The following PLBD2 variants were observed in gnomAD, a reference collection of about 807,000 sequenced individuals.
PLBD2 encodes putative aminopeptidase PLBD2.
A neutral mutation model predicts 68.3 loss-of-function variants in PLBD2; 51 were observed. The ratio of observed to expected loss-of-function variants is 0.75; its 90% CI spans 0.60 to 0.94. The LOEUF is 0.94. PLBD2 is among the 40% of genes least tolerant of loss of function. The probability of loss-of-function intolerance (pLI) is 0.00; values close to 1 mark genes in which losing one functional copy is unlikely to be tolerated. For synonymous variants in PLBD2, 314 were observed against 339.3 expected (o/e 0.93, Z 0.82); for missense variants, 729 against 792.2 (o/e 0.92, Z 0.96).
At position 113,386,937 on chromosome 12, in the gene PLBD2, G is replaced by T. The variant is rs909193864; in HGVS notation, c.1287G>T (p.Pro429=). The T allele has an allele frequency of 3.7e-6, 6 of 1,612,926 alleles. No homozygotes were observed. The Admixed American group carries it at 6.7e-5, about 18-fold the overall frequency. The change falls in exon 10 of 12, where the codon CCG becomes CCT. Residue 429 remains proline, a splice_region_variant and synonymous_variant. Transcript: ENST00000280800. ...GGGTGACCATCCTTGTCCCCGGCAG[G>T]TCCTTCGAGACTGTGTTCAATGCCA... is the stretch of plus-strand genomic sequence containing the variant. ...QKTYWASYNI[P]SFETVFNASG...
chr12:113,364,913 A>G (rs1565858128), intron 1 of PLBD2, among the ~76,000 whole-genome samples: 1 of 152,170 alleles, frequency 6.6e-6, no homozygotes, highest in Non-Finnish European at 1.5e-5. Context: ...AGTTTGCCCA[A>G]AGGTACACAA....
At position 113,380,769 on chromosome 12, in the gene PLBD2, A is replaced by G; in HGVS notation, c.884A>G (p.Asn295Ser). 1 of 1,553,130 alleles carries G rather than the reference A, an allele frequency of 6.4e-7. No individual in the cohort carries two copies. The highest frequency in any genetic ancestry group is 1.2e-5 in the South Asian group (1 of 84,186). Reference sequence around the variant, plus strand: ...GGGGACTACCCGCTGGTTCCCGGCAACAAGCTGGTCTTCTCCTCCTACCCC... The same window carrying G: ...GGGGACTACCCGCTGGTTCCCGGCAGCAAGCTGGTCTTCTCCTCCTACCCC... The part of the protein sequence containing the change: ...PWGDYPLVPG[N>S]KLVFSSYPGT... Residue 295 changes from asparagine (N) to serine (S), a missense_variant, in exon 6 of 12, where the codon AAC (asparagine) becomes AGC (serine). By Grantham distance (46) the Asn-to-Ser change is conservative (BLOSUM62 1). Coordinates refer to ENST00000280800, the MANE Select transcript of PLBD2 (RefSeq NM_173542.4).
intron 6 of PLBD2, among the ~76,000 whole-genome samples, chr12:113,382,729 T>A (rs1055028296): frequency 1.3e-5 from 2 of 151,802 alleles, no homozygotes; most frequent in African/African-American, 4.8e-5. Context: ...GTGTCCAGCC[T>A]TTTTTTTCCT....
rs1171166371 is a variant in PLBD2 at position 113,384,957 on chromosome 12, T to C, written c.1214+11T>C. 6 of 616,274 alleles carry C rather than the reference T, an allele frequency of 9.7e-6. No homozygotes were observed. The highest frequency in any genetic ancestry group is 6.2e-5 in the African/African-American group (3 of 48,730). 38.2% of individuals were successfully genotyped at this position (616,274 alleles called of 1,614,324 possible). On this transcript the variant is annotated intron_variant, in intron 8 of 11. Transcript: ENST00000280800. This position sits in a 1 kb window ranked among gnomAD's most constrained non-coding sequence, Gnocchi z 4.2. ...CCTGGAGCAGATCCCGTGCGTACCC[T>C]GGGAGGGAGGGGTGGGGGCTCGGGG... is the stretch of plus-strand genomic sequence containing the variant.
intron 5 of PLBD2, chr12:113,375,273 G>T: frequency 2.0e-6 from 1 of 488,732 alleles, no homozygotes; most frequent in Non-Finnish European, 3.7e-6. Flanking sequence ...AGCCTCCCAA[G>T]TATCTGGAAC....
chr12:113,374,669 T>C, intron 4 of PLBD2, 95 bp downstream of exon 4: 1 of 1,448,052 alleles, frequency 6.9e-7, no homozygotes, highest in Non-Finnish European at 9.5e-7. Context: ...TGCCACTCCC[T>C]GGCTCTGTGG....
Position 113,389,606 on chromosome 12 carries a change from CATCT to C in PLBD2, c.*982_*985del, listed in dbSNP as rs1254922319. ...ATCCGTCTTCCATCATCCATCCATCCATCTACCTATCCATTTATCATCCATCCAC... is the reference window on the plus strand; with the variant it reads ...ATCCGTCTTCCATCATCCATCCATCCACCTATCCATTTATCATCCATCCAC... On this transcript the variant is annotated 3_prime_UTR_variant, in exon 12 of 12. Transcript: ENST00000280800. The C allele has an allele frequency of 3.3e-5, 5 of 152,066 alleles. No homozygotes were observed. Among genetic ancestry groups the C allele is most frequent in the Non-Finnish European group, 7.3e-5 (5 of 68,028 alleles). The allele number at this position is 152,066 out of a possible 1,614,324, so 9.4% of individuals were successfully genotyped here.
Position 113,374,481 on chromosome 12 carries a change from T to C in PLBD2, c.551T>C (p.Leu184Pro), listed in dbSNP as rs376523175. The change falls in exon 4 of 12, where the codon CTG (leucine) becomes CCG (proline). Residue 184 changes from leucine to proline, a missense_variant. Physicochemically the swap from Leu to Pro is moderately conservative, Grantham distance 98. Transcript: ENST00000280800. ...PDSPYWHQVR[L>P]TLLQLKGLED... The stretch of plus-strand genomic sequence containing the variant: ...CCCCGCCCCCTCCCCTAGGTGCGGC[T>C]GACCCTCCTGCAGCTGAAAGGCCTG... The C allele has an allele frequency of 2.5e-6, 4 of 1,596,098 alleles. No individual in the cohort carries two copies. Among genetic ancestry groups the C allele is most frequent in the Non-Finnish European group, 2.6e-6 (3 of 1,171,818 alleles).
chr12:113,375,150 G>GT (rs1957428974), intron 5 of PLBD2, 143 bp downstream of exon 5: 4 of 809,464 alleles, frequency 4.9e-6, no homozygotes, highest in South Asian at 1.8e-5. Context: ...TTTTGGTTTT[G>GT]TTTTTTTCTT....
At chr12:113,371,217 C>T (rs1957386881) in intron 2 of PLBD2, among the ~76,000 whole-genome samples, 1 of 152,182 alleles carries the variant, frequency 6.6e-6, no homozygotes, top group Non-Finnish European at 1.5e-5. Flanking sequence ...GATCCAGCAG[C>T]CCTACTACTT....
At chr12:113,378,616 C>T (rs1957454966) in intron 5 of PLBD2, among the ~76,000 whole-genome samples, 1 of 151,816 alleles carries the variant, frequency 6.6e-6, no homozygotes, top group Non-Finnish European at 1.5e-5. Flanking sequence ...CCTGCCTCAG[C>T]CTCCCAAAGC....
chr12:113,387,636 C>G, intron 10 of PLBD2, 108 bp from the exon 11 acceptor site: 1 of 1,265,946 alleles, frequency 7.9e-7, no homozygotes, highest in Non-Finnish European at 1.1e-6. Context: ...AGGGGCTCAT[C>G]AAGTTGAAGG....
intron 2 of PLBD2, among the ~76,000 whole-genome samples, chr12:113,371,520 A>G (rs974672992): frequency 6.6e-6 from 1 of 152,194 alleles, no homozygotes; most frequent in African/African-American, 2.4e-5. Flanking sequence ...TGTCTGGGGA[A>G]GTGGTCAGAT....
At chr12:113,387,990 G>A (rs933796429) in intron 11 of PLBD2, 84 bp downstream of exon 11, 3 of 1,498,758 alleles carry the variant, frequency 2.0e-6, no homozygotes, top group Non-Finnish European at 2.8e-6. Flanking sequence ...TTGGGGCAAA[G>A]CTGATGGCGG....
intron 1 of PLBD2, among the ~76,000 whole-genome samples, chr12:113,360,215 G>T (rs1321272285): frequency 1.3e-5 from 2 of 152,154 alleles, no homozygotes; most frequent in Non-Finnish European, 2.9e-5. Context: ...CTCCCAGAGA[G>T]AGGAGGCCAC....
intron 1 of PLBD2, among the ~76,000 whole-genome samples, chr12:113,360,311 C>G (rs1469689712): frequency 6.6e-6 from 1 of 152,146 alleles, no homozygotes; most frequent in East Asian, 1.9e-4. Flanking sequence ...GTGACCCGTT[C>G]TTTGCTGACT....
Position 113,387,096 on chromosome 12 carries a change from G to A in PLBD2, c.1439+7G>A. On this transcript the variant is annotated splice_region_variant and intron_variant, in intron 10 of 11. Transcript: ENST00000280800. ...CCATGGTCAGGCTGATGAGGTAGGT[G>A]CCAGTTGGGTGGTGGGTTGGGGAGA... is the stretch of plus-strand genomic sequence containing the variant. 6.4e-7 allele frequency: 1 copy of A among 1,571,956 alleles called. No homozygotes were observed. Among genetic ancestry groups the A allele is most frequent in the Non-Finnish European group, 8.6e-7 (1 of 1,159,330 alleles).
At chr12:113,367,523 G>A (rs1438438665) in intron 1 of PLBD2, among the ~76,000 whole-genome samples, 1 of 152,146 alleles carries the variant, frequency 6.6e-6, no homozygotes, top group African/African-American at 2.4e-5. Flanking sequence ...GCCGAGGCAG[G>A]TGGATCACTT....
intron 5 of PLBD2, among the ~76,000 whole-genome samples, chr12:113,379,902 C>T (rs1241621450): frequency 2.0e-5 from 3 of 152,296 alleles, no homozygotes; most frequent in Non-Finnish European, 4.4e-5. Flanking sequence ...TATACCCACG[C>T]ACACACAGAG....
Sources: gnomAD v4.1 joint callset for allele counts (sites outside exome capture counted in the v4.1 genomes callset) on GRCh38, gnomAD v4.1.1 for gene constraint, Gnocchi (gnomAD v3.1) non-coding constraint, MANE v1.5 for transcripts, NCBI Gene and HGNC (gene_info 2026-07-23, HGNC 2026-07-21) for gene names.